The following TPD52L1 variants were observed in gnomAD, a reference collection of about 807,000 sequenced individuals.
TPD52L1 encodes the protein TPD52 like 1.
Under a neutral mutation model 28.7 loss-of-function variants are expected in TPD52L1, and 18 were observed. The ratio of observed to expected loss-of-function variants is 0.63; its 90% CI spans 0.43 to 0.93. The LOEUF is 0.93. TPD52L1 is among the 40% of genes least tolerant of loss of function. The probability of loss-of-function intolerance (pLI) is 0.00; values close to 1 mark genes in which losing one functional copy is unlikely to be tolerated. For missense variants in TPD52L1, 203 were observed against 254.8 expected (o/e 0.80, Z 1.39); for synonymous variants, 75 against 88.8 (o/e 0.84, Z 0.88).
intron 2 of TPD52L1, among the ~76,000 whole-genome samples, chr6:125,222,229 T>C (rs1795290053): frequency 6.6e-6 from 1 of 152,230 alleles, no homozygotes; most frequent in Admixed American, 6.5e-5. Context: ...TAGAAAGCCA[T>C]CTCTGCAGTC....
intron 2 of TPD52L1, among the ~76,000 whole-genome samples, chr6:125,225,595 ATCT>A (rs1795557739): frequency 1.3e-5 from 2 of 152,342 alleles, no homozygotes; most frequent in Non-Finnish European, 1.5e-5. Flanking sequence ...CTACAAGGAG[ATCT>A]TCTAGGGAGT....
intron 3 of TPD52L1, among the ~76,000 whole-genome samples, chr6:125,240,292 GT>G (rs1278644698): frequency 6.6e-6 from 1 of 152,046 alleles, no homozygotes; most frequent in Non-Finnish European, 1.5e-5. Flanking sequence ...GCTTAGTATT[GT>G]TTTGGCTATG....
At chr6:125,177,509 G>A (rs1791899393) in intron 1 of TPD52L1, among the ~76,000 whole-genome samples, 1 of 152,158 alleles carries the variant, frequency 6.6e-6, no homozygotes, top group Non-Finnish European at 1.5e-5. Context: ...TGAGGGATGA[G>A]GAGATTGGCC....
At chr6:125,244,255 T>A (rs1487146173) in intron 3 of TPD52L1, among the ~76,000 whole-genome samples, 1 of 152,226 alleles carries the variant, frequency 6.6e-6, no homozygotes, top group African/African-American at 2.4e-5. Context: ...TTTTTCCCAC[T>A]GTTTTATTTA....
chr6:125,181,237 G>C (rs1792174989), intron 1 of TPD52L1, among the ~76,000 whole-genome samples: 1 of 152,080 alleles, frequency 6.6e-6, no homozygotes, highest in African/African-American at 2.4e-5. Context: ...TTAGCATAAA[G>C]AACTATGTCA....
intron 3 of TPD52L1, 31 bp downstream of exon 3, chr6:125,229,297 C>T (rs1795803677): frequency 1.3e-6 from 2 of 1,579,296 alleles, no homozygotes; most frequent in Admixed American, 1.8e-5. Flanking sequence ...GTTTTATTAA[C>T]TCAGCCTGAT....
chr6:125,239,468 G>A (rs577863877), intron 3 of TPD52L1, among the ~76,000 whole-genome samples: 1 of 152,252 alleles, frequency 6.6e-6, no homozygotes, highest in Non-Finnish European at 1.5e-5. Context: ...AGAGCCAAGC[G>A]ATAGGGGAAC....
In TPD52L1 at chr6:125,225,868, G is replaced by T. The variant is rs533712533; in HGVS notation, c.136-3250G>T. On this transcript the variant is annotated intron_variant, in intron 2 of 6. Transcript: ENST00000534000. ...GCCTTGAACTCTCAGGGCATTAAAA[G>T]GCAGCAGATGCCTGGGAATCTGCAT... Among the ~76,000 whole-genome samples, 103 of 152,248 alleles carry T rather than the reference G, an allele frequency of 6.8e-4. 6 individuals are homozygous for T. In the South Asian group the frequency reaches 0.02, roughly 30 times the overall value.
At chr6:125,221,765 C>T (rs1795248508) in intron 2 of TPD52L1, 1 of 152,166 alleles carries the variant, frequency 6.6e-6, no homozygotes, top group South Asian at 2.1e-4. Context: ...AATACACTTC[C>T]AGAACATTTC....
At position 125,227,374 on chromosome 6, in the gene TPD52L1, A is replaced by G. The variant is rs118191133; in HGVS notation, c.136-1744A>G. Among the ~76,000 whole-genome samples, 214 of 152,356 alleles carry G rather than the reference A, an allele frequency of 1.4e-3. 2 individuals carry two copies. In the East Asian group the frequency reaches 0.022, roughly 16 times the overall value. The stretch of plus-strand genomic sequence containing the variant: ...GCATGTTTTGCTTTTGCAAAGGCAG[A>G]TGCCCTTCTTGAGCTGCTTTCCCAG... On this transcript the variant is annotated intron_variant, in intron 2 of 6. Transcript: ENST00000534000.
intron 1 of TPD52L1, among the ~76,000 whole-genome samples, chr6:125,170,777 G>C (rs1370514895): frequency 6.6e-6 from 1 of 152,152 alleles, no homozygotes; most frequent in Non-Finnish European, 1.5e-5. Context: ...CACCTGTTCA[G>C]AGCCTTTGGT....
intron 3 of TPD52L1, among the ~76,000 whole-genome samples, chr6:125,243,687 T>G (rs1796754759): frequency 6.6e-6 from 1 of 152,102 alleles, no homozygotes; most frequent in Admixed American, 6.5e-5. Context: ...CTGGAAAATT[T>G]TTTATTGATG....
intron 3 of TPD52L1, among the ~76,000 whole-genome samples, chr6:125,237,197 A>C (rs1796314931): frequency 6.6e-6 from 1 of 152,108 alleles, no homozygotes; most frequent in South Asian, 2.1e-4. Flanking sequence ...GAGATAGTGC[A>C]AGGTTTTGAG....
At chr6:125,235,728 CAACT>C (rs1349243480) in intron 3 of TPD52L1, among the ~76,000 whole-genome samples, 4 of 152,172 alleles carry the variant, frequency 2.6e-5, no homozygotes, top group Admixed American at 1.3e-4. Context: ...TATAAAATAG[CAACT>C]AACTGTTTTC....
intron 3 of TPD52L1, among the ~76,000 whole-genome samples, chr6:125,233,374 C>T (rs1796067298): frequency 6.6e-6 from 1 of 152,068 alleles, no homozygotes; most frequent in African/African-American, 2.4e-5. Flanking sequence ...GTCAGGAATT[C>T]TTATTATCTC....
chr6:125,230,199 A>T (rs150214842), intron 3 of TPD52L1, among the ~76,000 whole-genome samples: 2 of 152,284 alleles, frequency 1.3e-5, no homozygotes, highest in African/African-American at 4.8e-5. Context: ...TTATTAGATT[A>T]TTCTTAAGTT....
intron 1 of TPD52L1, among the ~76,000 whole-genome samples, chr6:125,175,384 C>T (rs1562221298): frequency 1.3e-5 from 2 of 152,058 alleles, no homozygotes; most frequent in Non-Finnish European, 2.9e-5. Context: ...TTTAAAAGCT[C>T]CTAAAATTAA....
At chr6:125,185,900 T>TC (rs1256587089) in intron 1 of TPD52L1, among the ~76,000 whole-genome samples, 1 of 148,690 alleles carries the variant, frequency 6.7e-6, no homozygotes, top group Non-Finnish European at 1.5e-5. Context: ...TTTGATTTTT[T>TC]TTTTTTTTTT....
At chr6:125,253,496 T>C in intron 4 of TPD52L1, 1 of 543,878 alleles carries the variant, frequency 1.8e-6, no homozygotes, top group Non-Finnish European at 3.2e-6. Flanking sequence ...TAAAATAATA[T>C]GCAACCACGG....
Sources: gnomAD v4.1 joint callset for allele counts (sites outside exome capture counted in the v4.1 genomes callset) on GRCh38, gnomAD v4.1.1 for gene constraint, MANE v1.5 for transcripts, NCBI Gene and HGNC (gene_info 2026-07-23, HGNC 2026-07-21) for gene names.